The following DNER variants were observed in gnomAD, a reference collection of about 807,000 sequenced individuals.
DNER encodes delta/notch like EGF repeat containing.
In DNER, 33 loss-of-function variants were observed where a neutral mutation model predicts 78.2. That is an observed-to-expected ratio of 0.42 (90% CI 0.32 to 0.56). The LOEUF is 0.56. DNER is among the 20% of genes least tolerant of loss of function. DNER has a pLI of 0.11. For missense variants in DNER, 918 were observed against 975.3 expected (o/e 0.94, Z 0.78); for synonymous variants, 417 against 384.8 (o/e 1.08, Z -0.98).
At chr2:229,611,125 G>A (rs1387367222) in intron 1 of DNER, among the ~76,000 whole-genome samples, 5 of 152,228 alleles carry the variant, frequency 3.3e-5, no homozygotes, top group Admixed American at 6.5e-5. Flanking sequence ...CTGAGCAGCT[G>A]TATAGTGCCC....
intron 7 of DNER, among the ~76,000 whole-genome samples, chr2:229,451,532 C>T (rs1431891051): frequency 6.6e-6 from 1 of 152,210 alleles, no homozygotes; most frequent in Non-Finnish European, 1.5e-5. Flanking sequence ...TCACCTGGTT[C>T]TAACCCTTTA....
At chr2:229,684,145 T>A (rs1331353258) in intron 1 of DNER, among the ~76,000 whole-genome samples, 1 of 123,070 alleles carries the variant, frequency 8.1e-6, no homozygotes, top group African/African-American at 3.3e-5. Context: ...TCTGTGTATG[T>A]GAGAGAGAGA....
chr2:229,645,850 C>T (rs371772830), intron 1 of DNER, among the ~76,000 whole-genome samples: 3 of 152,166 alleles, frequency 2.0e-5, no homozygotes, highest in Non-Finnish European at 2.9e-5. Flanking sequence ...CCATCAGGAG[C>T]ATTCCTGAGC....
At chr2:229,545,861 C>T (rs1449244420) in intron 5 of DNER, among the ~76,000 whole-genome samples, 2 of 152,212 alleles carry the variant, frequency 1.3e-5, no homozygotes, top group Non-Finnish European at 2.9e-5. Flanking sequence ...TCTTACTTTT[C>T]TCTGACGTCT....
chr2:229,486,466 G>A (rs1397054891), intron 6 of DNER, among the ~76,000 whole-genome samples: 1 of 152,046 alleles, frequency 6.6e-6, no homozygotes, highest in Non-Finnish European at 1.5e-5. Flanking sequence ...AAATAGACAA[G>A]AGGCACAGTG....
At position 229,428,602 on chromosome 2, in the gene DNER, T is replaced by A. The variant is rs372109129; in HGVS notation, c.1487-10372A>T. Among the ~76,000 whole-genome samples, 242 of 151,824 alleles carry A rather than the reference T, an allele frequency of 1.6e-3. 1 individual carries two copies. Among genetic ancestry groups the A allele is most frequent in the African/African-American group, 5.6e-3 (233 of 41,380 alleles). On this transcript the variant is annotated intron_variant, in intron 8 of 12. Coordinates refer to ENST00000341772, the MANE Select transcript of DNER (RefSeq NM_139072.4). ...GGAATGGAGTGGAAGGGAACCATATTCTAGAAGAAGCAGATCTTAATTGAA... is the reference window on the plus strand; with the variant it reads ...GGAATGGAGTGGAAGGGAACCATATACTAGAAGAAGCAGATCTTAATTGAA...
In DNER at chr2:229,521,990, G is replaced by A. The variant is rs752129575; in HGVS notation, c.994-9054C>T. Among the ~76,000 whole-genome samples the A allele has an allele frequency of 2.1e-4, 32 of 151,000 alleles. 1 individual carries two copies. Among genetic ancestry groups the A allele is most frequent in the Admixed American group, 1.6e-3 (25 of 15,198 alleles). On this transcript the variant is annotated intron_variant, in intron 5 of 12. Coordinates refer to ENST00000341772, the MANE Select transcript of DNER (RefSeq NM_139072.4). Reference sequence around the variant, plus strand: ...TAGATATACTATCATTCTTTTATTCGGGTTCAGTAATTGCAAATGTTGTAG... The same window carrying A: ...TAGATATACTATCATTCTTTTATTCAGGTTCAGTAATTGCAAATGTTGTAG...
chr2:229,649,744 A>G (rs926145564), intron 1 of DNER, among the ~76,000 whole-genome samples: 1 of 152,178 alleles, frequency 6.6e-6, no homozygotes, highest in African/African-American at 2.4e-5. Flanking sequence ...AATTATTCTT[A>G]ACTCCTCTCC....
intron 12 of DNER, among the ~76,000 whole-genome samples, chr2:229,359,807 T>G (rs1240949826): frequency 2.6e-5 from 4 of 152,180 alleles, no homozygotes; most frequent in Admixed American, 2.0e-4. Flanking sequence ...TAAACAGTCA[T>G]CAATCTTGTA....
chr2:229,517,553 C>T (rs1394791459), intron 5 of DNER, among the ~76,000 whole-genome samples: 1 of 152,166 alleles, frequency 6.6e-6, no homozygotes, highest in Non-Finnish European at 1.5e-5. Flanking sequence ...CAAGGTGGAC[C>T]ATGCCTCACA....
chr2:229,575,657 A>G (rs1249372232), intron 4 of DNER, among the ~76,000 whole-genome samples: 2 of 152,174 alleles, frequency 1.3e-5, no homozygotes, highest in Admixed American at 6.5e-5. Context: ...GCAGCCTGGG[A>G]AGCCCATCCC....
intron 1 of DNER, among the ~76,000 whole-genome samples, chr2:229,698,522 A>G (rs980177163): frequency 4.6e-5 from 7 of 152,200 alleles, no homozygotes; most frequent in Admixed American, 6.5e-5. Context: ...AAGCAAGGGA[A>G]GCAAGAAAAA....
intron 5 of DNER, among the ~76,000 whole-genome samples, chr2:229,529,051 A>G (rs1208925246): frequency 6.6e-6 from 1 of 152,218 alleles, no homozygotes; most frequent in Admixed American, 6.5e-5. Flanking sequence ...CTTCTGGTAG[A>G]AAATGGATGA....
intron 4 of DNER, among the ~76,000 whole-genome samples, chr2:229,563,143 A>T (rs1303809630): frequency 2.7e-4 from 36 of 135,526 alleles, no homozygotes; most frequent in African/African-American, 8.9e-4. Context: ...CATCACCATC[A>T]TCATCCTCCT....
chr2:229,471,471 G>A (rs772608061), intron 7 of DNER, among the ~76,000 whole-genome samples: 4 of 152,174 alleles, frequency 2.6e-5, no homozygotes, highest in Admixed American at 6.5e-5. Context: ...GTTACTTAGA[G>A]GTTATGAAGG....
At chr2:229,437,235 T>G (rs190710020) in intron 8 of DNER, among the ~76,000 whole-genome samples, 1 of 152,332 alleles carries the variant, frequency 6.6e-6, no homozygotes, top group African/African-American at 2.4e-5. Flanking sequence ...GAAAAATCAA[T>G]ACCCGCTATG....
intron 4 of DNER, among the ~76,000 whole-genome samples, chr2:229,576,899 GAC>G (rs1210206703): frequency 2.6e-5 from 4 of 152,172 alleles, no homozygotes; most frequent in South Asian, 2.1e-4. Flanking sequence ...AGGCAGGAAA[GAC>G]ACAGCCCCAA....
At chr2:229,474,192 C>T (rs943701811) in intron 7 of DNER, among the ~76,000 whole-genome samples, 3 of 152,072 alleles carry the variant, frequency 2.0e-5, no homozygotes, top group African/African-American at 7.2e-5. Flanking sequence ...AGGCATAAGC[C>T]ACCACACCTG....
intron 1 of DNER, among the ~76,000 whole-genome samples, chr2:229,688,181 C>T (rs573527918): frequency 3.9e-5 from 6 of 152,196 alleles, no homozygotes; most frequent in East Asian, 3.9e-4. Flanking sequence ...AGGACTGGTC[C>T]GCCCACAGGG....
Sources: allele counts gnomAD v4.1 joint callset (sites outside exome capture counted in the v4.1 genomes callset), GRCh38; gene constraint gnomAD v4.1.1; transcripts MANE v1.5; gene names NCBI Gene and HGNC (gene_info 2026-07-23, HGNC 2026-07-21).